Variants in GPC5 observed in about 807,000 individuals in gnomAD.
GPC5 encodes the protein glypican 5, also known as glypican-5.
GPC5 carries 47 observed loss-of-function variants against 53.9 expected under a neutral mutation model. That is an observed-to-expected ratio of 0.87 (90% confidence interval 0.69 to 1.11). The LOEUF is 1.11. Among genes scored for constraint, GPC5 ranks in the 50% most tolerant of loss-of-function variants. The pLI, the probability that GPC5 is intolerant of heterozygous loss-of-function variation, is 0.00. For synonymous variants in GPC5, 286 were observed against 263.3 expected, an observed-to-expected ratio of 1.09 and a Z score of -0.84; for missense variants, 748 against 713.1, an observed-to-expected ratio of 1.05 and a Z score of -0.56.
chr13:92,622,786 C>T (rs867343596), intron 7 of GPC5, among the ~76,000 whole-genome samples: 2 of 152,096 alleles, frequency 1.3e-5, no homozygotes, highest in African/African-American at 2.4e-5. Flanking sequence ...TCATCAGTGT[C>T]TTATCAAATT....
chr13:92,817,350 A>T (rs1464128348), intron 7 of GPC5, among the ~76,000 whole-genome samples: 1 of 151,926 alleles, frequency 6.6e-6, no homozygotes, highest in Non-Finnish European at 1.5e-5. Context: ...TAAAGCATCA[A>T]TATCCTTTCA....
At chr13:92,456,963 G>C (rs575664994) in intron 7 of GPC5, among the ~76,000 whole-genome samples, 7 of 152,004 alleles carry the variant, frequency 4.6e-5, no homozygotes, top group Non-Finnish European at 1.0e-4. Context: ...ACTAAGAATA[G>C]TACCCAATAG....
intron 7 of GPC5, among the ~76,000 whole-genome samples, chr13:92,542,874 A>C (rs1219251456): frequency 1.3e-5 from 2 of 151,994 alleles, no homozygotes; most frequent in Admixed American, 1.3e-4. Context: ...TGATTCCCTT[A>C]TATGTGACTT....
intron 3 of GPC5, among the ~76,000 whole-genome samples, chr13:91,697,531 C>A (rs1345394179): frequency 6.6e-6 from 1 of 152,140 alleles, no homozygotes; most frequent in East Asian, 1.9e-4. Context: ...TTTAATTAAA[C>A]AAATGCTTGT....
At chr13:92,064,621 T>G (rs1356055137) in intron 6 of GPC5, among the ~76,000 whole-genome samples, 3 of 150,730 alleles carry the variant, frequency 2.0e-5, no homozygotes, top group African/African-American at 7.3e-5. Flanking sequence ...CTAGGCGTGG[T>G]GGGGGGGCGC....
chr13:92,280,191 C>G (rs1403768580), intron 7 of GPC5, among the ~76,000 whole-genome samples: 1 of 152,012 alleles, frequency 6.6e-6, no homozygotes, highest in Admixed American at 6.5e-5. Context: ...TATTCTCTTG[C>G]AATTCTTGTA....
chr13:91,404,059 A>G (rs1417421770), intron 1 of GPC5, among the ~76,000 whole-genome samples: 2 of 152,124 alleles, frequency 1.3e-5, no homozygotes, highest in Non-Finnish European at 2.9e-5. Context: ...TTTTCCACTT[A>G]TCACCCCCCA....
chr13:92,411,799 C>T (rs1028835150), intron 7 of GPC5, among the ~76,000 whole-genome samples: 24 of 152,170 alleles, frequency 1.6e-4, no homozygotes, highest in African/African-American at 5.3e-4. Flanking sequence ...AAATTATCCG[C>T]GTCAAATGTA....
At chr13:92,181,569 C>T (rs1336261372) in intron 7 of GPC5, among the ~76,000 whole-genome samples, 1 of 152,120 alleles carries the variant, frequency 6.6e-6, no homozygotes, top group African/African-American at 2.4e-5. Flanking sequence ...TAAATGTGCA[C>T]ATGTGGATTG....
chr13:91,655,352 C>T (rs147739465), intron 2 of GPC5, among the ~76,000 whole-genome samples: 1 of 151,860 alleles, frequency 6.6e-6, no homozygotes, highest in African/African-American at 2.4e-5. Context: ...CTTAATCCTT[C>T]AAGATTGGAA....
chr13:92,792,077 T>C (rs1876485344), intron 7 of GPC5, among the ~76,000 whole-genome samples: 1 of 152,032 alleles, frequency 6.6e-6, no homozygotes, highest in Non-Finnish European at 1.5e-5. Flanking sequence ...GGGATACTCC[T>C]AGAGAAGAGC....
At chr13:92,710,962 T>C (rs1888117781) in intron 7 of GPC5, among the ~76,000 whole-genome samples, 1 of 152,184 alleles carries the variant, frequency 6.6e-6, no homozygotes, top group South Asian at 2.1e-4. Context: ...TTTCTAAAAA[T>C]AGTCTGCATT....
chr13:92,812,587 A>G (rs1877335523), intron 7 of GPC5, among the ~76,000 whole-genome samples: 1 of 151,892 alleles, frequency 6.6e-6, no homozygotes, highest in South Asian at 2.1e-4. Flanking sequence ...CGTTTATTCA[A>G]CATTGTGCTG....
At chr13:92,666,018 A>C (rs1003368652) in intron 7 of GPC5, among the ~76,000 whole-genome samples, 1 of 152,248 alleles carries the variant, frequency 6.6e-6, no homozygotes, top group East Asian at 1.9e-4. Flanking sequence ...CATCACTAGC[A>C]TGTGAGTGAA....
intron 6 of GPC5, among the ~76,000 whole-genome samples, chr13:92,074,210 G>A (rs1414040558): frequency 6.6e-6 from 1 of 152,202 alleles, no homozygotes; most frequent in African/African-American, 2.4e-5. Context: ...CAACCTGCAC[G>A]AAGTTGAGCT....
chr13:91,679,121 T>C (rs2035449825), intron 2 of GPC5, among the ~76,000 whole-genome samples: 1 of 152,120 alleles, frequency 6.6e-6, no homozygotes, highest in Admixed American at 6.5e-5. Context: ...ATAAGAGAGA[T>C]ATTAAGGCAA....
intron 6 of GPC5, among the ~76,000 whole-genome samples, chr13:92,016,125 A>T (rs920640744): frequency 6.6e-6 from 1 of 152,226 alleles, no homozygotes; most frequent in Non-Finnish European, 1.5e-5. Flanking sequence ...GAAAGTGGTT[A>T]CTGGGAGAGC....
intron 6 of GPC5, among the ~76,000 whole-genome samples, chr13:91,914,992 G>C (rs1404153751): frequency 1.3e-5 from 2 of 152,098 alleles, no homozygotes; most frequent in East Asian, 1.9e-4. Context: ...TAGCATGTCA[G>C]CTGATTCTGT....
chr13:92,563,222 G>A (rs1273487558), intron 7 of GPC5, among the ~76,000 whole-genome samples: 1 of 151,924 alleles, frequency 6.6e-6, no homozygotes, highest in African/African-American at 2.4e-5. Context: ...ATATGTCCAT[G>A]CAAATGTCTC....
Sources: gnomAD v4.1 joint callset for allele counts (sites outside exome capture counted in the v4.1 genomes callset) on GRCh38, gnomAD v4.1.1 for gene constraint, MANE v1.5 for transcripts, NCBI Gene and HGNC (gene_info 2026-07-23, HGNC 2026-07-21) for gene names.